Variants in TMEM38B observed in about 807,000 individuals in gnomAD.
The protein encoded by TMEM38B is trimeric intracellular cation channel type B.
A neutral mutation model predicts 28.7 loss-of-function variants in TMEM38B; 24 were observed. The ratio of observed to expected loss-of-function variants is 0.84; its 90% CI spans 0.61 to 1.18. The LOEUF (loss-of-function observed/expected upper bound fraction) is 1.18, where lower values mean the gene tolerates loss of function less well. Ranked by LOEUF, TMEM38B falls within the 50% of genes most tolerant of loss-of-function variation. The pLI, the probability that TMEM38B is intolerant of heterozygous loss-of-function variation, is 0.00. For synonymous variants in TMEM38B, 131 were observed against 127.7 expected (o/e 1.03, Z -0.17); for missense variants, 380 against 350.9 (o/e 1.08, Z -0.66).
intron 4 of TMEM38B, among the ~76,000 whole-genome samples, chr9:105,737,078 G>A (rs1366349450): frequency 6.6e-6 from 1 of 152,218 alleles, no homozygotes; most frequent in African/African-American, 2.4e-5. Context: ...GCAGTGCTGG[G>A]CTGCAGGGTG....
chr9:105,719,172 G>A (rs1836226431), intron 2 of TMEM38B, among the ~76,000 whole-genome samples: 1 of 152,150 alleles, frequency 6.6e-6, no homozygotes, highest in African/African-American at 2.4e-5. Flanking sequence ...TAAACTGGTT[G>A]AGATTTCATT....
In TMEM38B at chr9:105,775,621, G is replaced by A. The variant is rs1041506043; in HGVS notation, c.*1541G>A. On this transcript the variant is annotated 3_prime_UTR_variant, in exon 6 of 6. Coordinates refer to ENST00000374692, the MANE Select transcript of TMEM38B (RefSeq NM_018112.3). ...GCTAAGAAGTTTTATTTTTAATATT[G>A]TGACAGAAAGCTTTAAGTATTTAAG... 5 of 151,998 alleles carry A rather than the reference G, an allele frequency of 3.3e-5. No homozygotes were observed. Among genetic ancestry groups the A allele is most frequent in the East Asian group, 1.9e-4 (1 of 5,186 alleles). The allele number at this position is 151,998 out of a possible 1,614,324, so 9.4% of individuals were successfully genotyped here. A position where few individuals can be genotyped will look rare whatever the true frequency, so the allele number is the denominator to read the frequency against.
chr9:105,735,130 A>C (rs1375918046), intron 4 of TMEM38B, among the ~76,000 whole-genome samples: 2 of 152,156 alleles, frequency 1.3e-5, no homozygotes, highest in Non-Finnish European at 2.9e-5. Flanking sequence ...AGACTATTAG[A>C]CTATTTCAAG....
At chr9:105,704,713 C>T (rs977352674) in intron 1 of TMEM38B, among the ~76,000 whole-genome samples, 1 of 151,926 alleles carries the variant, frequency 6.6e-6, no homozygotes, top group African/African-American at 2.4e-5. Context: ...ATCACGAGAT[C>T]AGGAGTTTGA....
intron 2 of TMEM38B, among the ~76,000 whole-genome samples, chr9:105,719,854 C>T (rs2133574704): frequency 6.6e-6 from 1 of 152,036 alleles, no homozygotes; most frequent in Middle Eastern, 3.4e-3. Context: ...TTTGGGTGCT[C>T]ATTACTGCTA....
At chr9:105,753,039 G>A (rs571875257) in intron 5 of TMEM38B, among the ~76,000 whole-genome samples, 82 of 152,032 alleles carry the variant, frequency 5.4e-4, no homozygotes, top group Admixed American at 1.2e-3. Context: ...AGTATCAACA[G>A]CAGAATACAT....
At chr9:105,770,204 A>G (rs906415731) in intron 5 of TMEM38B, among the ~76,000 whole-genome samples, 1 of 152,202 alleles carries the variant, frequency 6.6e-6, no homozygotes, top group South Asian at 2.1e-4. Flanking sequence ...AACATTGAAT[A>G]AGACCCAAAT....
intron 5 of TMEM38B, among the ~76,000 whole-genome samples, chr9:105,766,629 C>A (rs768922085): frequency 1.1e-4 from 16 of 150,544 alleles, no homozygotes; most frequent in Non-Finnish European, 2.1e-4. Flanking sequence ...CTAGATTTTC[C>A]TTTCATGGCC....
intron 1 of TMEM38B, among the ~76,000 whole-genome samples, 168 bp downstream of exon 1, chr9:105,694,940 G>C (rs565436502): frequency 6.6e-6 from 1 of 152,330 alleles, no homozygotes; most frequent in East Asian, 1.9e-4. Flanking sequence ...CTGACTTACT[G>C]AGTGCAGATG....
chr9:105,771,565 T>C (rs1826543648), intron 5 of TMEM38B, among the ~76,000 whole-genome samples: 1 of 152,228 alleles, frequency 6.6e-6, no homozygotes, highest in Non-Finnish European at 1.5e-5. Flanking sequence ...TTGTTTTTGA[T>C]TGGAATTCTA....
At chr9:105,767,911 G>A (rs1215563267) in intron 5 of TMEM38B, among the ~76,000 whole-genome samples, 1 of 151,818 alleles carries the variant, frequency 6.6e-6, no homozygotes, top group Admixed American at 6.6e-5. Context: ...TTTTCAACCC[G>A]GATGCTGTTT....
intron 5 of TMEM38B, among the ~76,000 whole-genome samples, chr9:105,770,758 C>G (rs892335876): frequency 6.6e-6 from 1 of 151,970 alleles, no homozygotes; most frequent in Non-Finnish European, 1.5e-5. Flanking sequence ...GGAATAGACA[C>G]GAGTTACACT....
At chr9:105,741,516 A>G (rs1837203666) in intron 4 of TMEM38B, among the ~76,000 whole-genome samples, 1 of 152,194 alleles carries the variant, frequency 6.6e-6, no homozygotes, top group Non-Finnish European at 1.5e-5. Flanking sequence ...GGTGCTGGTG[A>G]AGACTTCGAA....
At chr9:105,704,270 G>A (rs572914260) in intron 1 of TMEM38B, among the ~76,000 whole-genome samples, 12 of 152,244 alleles carry the variant, frequency 7.9e-5, no homozygotes, top group African/African-American at 2.9e-4. Context: ...GGTGGCGCGT[G>A]CCTATAATCC....
At chr9:105,696,097 T>C (rs1037317208) in intron 1 of TMEM38B, among the ~76,000 whole-genome samples, 1 of 152,176 alleles carries the variant, frequency 6.6e-6, no homozygotes, top group Non-Finnish European at 1.5e-5. Context: ...TCTCATTTTT[T>C]CAGAAGTGTA....
At chr9:105,758,209 C>T in intron 5 of TMEM38B, 1 of 657,094 alleles carries the variant, frequency 1.5e-6, no homozygotes, top group Non-Finnish European at 2.8e-6. Context: ...GGCCACCAAA[C>T]TGGAATGCCC....
At chr9:105,745,620 T>G (rs552767160) in intron 4 of TMEM38B, among the ~76,000 whole-genome samples, 168 of 152,316 alleles carry the variant, frequency 1.1e-3, no homozygotes, top group African/African-American at 4.0e-3. Context: ...TTTTGACTTT[T>G]GTTGCCATTG....
At chr9:105,707,355 C>T (rs2133555796) in intron 2 of TMEM38B, among the ~76,000 whole-genome samples, 1 of 152,008 alleles carries the variant, frequency 6.6e-6, no homozygotes, top group African/African-American at 2.4e-5. Context: ...CTTGCAAATC[C>T]AAATTCGTTA....
chr9:105,737,402 A>G (rs1308453446), intron 4 of TMEM38B, among the ~76,000 whole-genome samples: 2 of 152,158 alleles, frequency 1.3e-5, no homozygotes. Context: ...ATGAGGCACT[A>G]TGCAGTGGGG....
Sources: gnomAD v4.1 joint callset for allele counts (sites outside exome capture counted in the v4.1 genomes callset) on GRCh38, gnomAD v4.1.1 for gene constraint, MANE v1.5 for transcripts, NCBI Gene and HGNC (gene_info 2026-07-23, HGNC 2026-07-21) for gene names.